Variants in CDK5RAP2 observed in about 807,000 individuals in gnomAD.
The protein encoded by CDK5RAP2 is CDK5 regulatory subunit associated protein 2, also known as CDK5 regulatory subunit-associated protein 2.
A neutral mutation model predicts 232.9 loss-of-function variants in CDK5RAP2; 147 were observed. The ratio of observed to expected loss-of-function variants is 0.63; its 90% CI spans 0.55 to 0.72. The LOEUF is 0.72. Among genes scored for constraint, CDK5RAP2 ranks in the 30% least tolerant of loss-of-function variants. The pLI is 0.00. For missense variants in CDK5RAP2, 2,195 were observed against 2,231.5 expected (o/e 0.98, Z 0.33); for synonymous variants, 833 against 833.7 (o/e 1.00, Z 0.01).
At chr9:120,549,049 C>T (rs1373000784) in intron 4 of CDK5RAP2, among the ~76,000 whole-genome samples, 9 of 151,586 alleles carry the variant, frequency 5.9e-5, no homozygotes, top group Admixed American at 5.9e-4. Flanking sequence ...CCCAGCTAAT[C>T]AGGAGGCTGA....
intron 27 of CDK5RAP2, among the ~76,000 whole-genome samples, chr9:120,416,175 AC>A (rs1459886149): frequency 6.6e-6 from 1 of 152,144 alleles, no homozygotes; most frequent in Non-Finnish European, 1.5e-5. Context: ...ATTCAGTTGG[AC>A]CTGAAGATAG....
chr9:120,496,694 T>G (rs1588486804), intron 12 of CDK5RAP2, among the ~76,000 whole-genome samples: 1 of 116,120 alleles, frequency 8.6e-6, no homozygotes, highest in Non-Finnish European at 1.7e-5. Flanking sequence ...GGTGGGGGGG[T>G]CAGCCCCCTG....
rs1473135944 is a variant in CDK5RAP2 at position 120,403,671 on chromosome 9, G to A, written c.5041+365C>T. ...ACAAAGGGGGTCTAAAAGTCACAGT[G>A]AGAGGAAAGTGTGGGCCTGTCTGCA... On this transcript the variant is annotated intron_variant, in intron 33 of 37. Coordinates refer to ENST00000349780, the MANE Select transcript of CDK5RAP2 (RefSeq NM_018249.6). The surrounding 1 kb of genome is among the most constrained non-coding windows in gnomAD (Gnocchi z 4.2). The A allele has an allele frequency of 8.5e-6, 3 of 354,262 alleles. No homozygotes were observed. The highest frequency in any genetic ancestry group is 2.7e-5 in the South Asian group (1 of 36,784). 21.9% of individuals were successfully genotyped at this position (354,262 alleles called of 1,614,324 possible). A position where few individuals can be genotyped will look rare whatever the true frequency, so the allele number is the denominator to read the frequency against.
intron 1 of CDK5RAP2, among the ~76,000 whole-genome samples, chr9:120,574,161 C>A (rs1490434391): frequency 6.6e-6 from 1 of 152,224 alleles, no homozygotes; most frequent in Non-Finnish European, 1.5e-5. Context: ...CATCCCAACT[C>A]TTAGACAAAA....
intron 21 of CDK5RAP2, among the ~76,000 whole-genome samples, chr9:120,452,699 T>C (rs2036543553): frequency 1.3e-5 from 2 of 149,850 alleles, no homozygotes; most frequent in African/African-American, 4.9e-5. Flanking sequence ...GTGCAGAGCT[T>C]AGAGACAGTA....
At chr9:120,525,165 CG>C (rs2131884144) in intron 10 of CDK5RAP2, 87 bp from the exon 11 acceptor site, 3 of 1,015,982 alleles carry the variant, frequency 3.0e-6, no homozygotes, top group Non-Finnish European at 4.6e-6. Flanking sequence ...TCAATTGTGT[CG>C]TGCTTATAAT....
intron 3 of CDK5RAP2, among the ~76,000 whole-genome samples, chr9:120,562,688 C>G (rs2042505580): frequency 6.6e-6 from 1 of 151,830 alleles, no homozygotes; most frequent in Non-Finnish European, 1.5e-5. Flanking sequence ...CCCCGCATGC[C>G]CCCATCCTCA....
chr9:120,395,170 C>T (rs941102314), intron 35 of CDK5RAP2, among the ~76,000 whole-genome samples: 1 of 152,038 alleles, frequency 6.6e-6, no homozygotes, highest in Non-Finnish European at 1.5e-5. Context: ...ACAAAAGAGC[C>T]CAGAACAACA....
chr9:120,551,533 C>G (rs542714981), intron 3 of CDK5RAP2, among the ~76,000 whole-genome samples: 2 of 152,284 alleles, frequency 1.3e-5, no homozygotes, highest in East Asian at 3.9e-4. Flanking sequence ...ATAATTCCAT[C>G]CAAAGTGCTT....
intron 3 of CDK5RAP2, among the ~76,000 whole-genome samples, chr9:120,566,984 T>A (rs977752032): frequency 6.6e-6 from 1 of 152,176 alleles, no homozygotes; most frequent in African/African-American, 2.4e-5. Context: ...AAAAATGAAA[T>A]AACTATCTTG....
Position 120,568,326 on chromosome 9 carries a change from C to T in CDK5RAP2, c.190G>A (p.Glu64Lys), listed in dbSNP as rs140136080. ...PTRARNMKDF[E>K]NQITELKKEN... is the part of the protein sequence containing the mutation. ...AATTTGGTATTTCCACTTACATTTT[C>T]AAAGTCCTTCATGTTCCGTGCTCTG... The change falls in exon 3 of 38, where the codon GAA becomes AAA. Residue 64 changes from glutamate to lysine, a missense_variant. Physicochemically the swap from Glu to Lys is moderately conservative, Grantham distance 56 (BLOSUM62 1). Coordinates refer to ENST00000349780, the MANE Select transcript of CDK5RAP2 (RefSeq NM_018249.6). The T allele has an allele frequency of 3.1e-6, 5 of 1,612,176 alleles. No individual in the cohort carries two copies. The highest frequency in any genetic ancestry group is 3.3e-5 in the Admixed American group (2 of 60,002).
In CDK5RAP2 at chr9:120,548,250, A is replaced by T. The variant is rs1173411044; in HGVS notation, c.307-2460T>A. 1.3e-5 allele frequency among the ~76,000 whole-genome samples: 2 copies of T among 152,240 alleles called. 1 individual carries two copies. Among genetic ancestry groups the T allele is most frequent in the Non-Finnish European group, 2.9e-5 (2 of 68,050 alleles). On this transcript the variant is annotated intron_variant, in intron 4 of 37. Coordinates refer to ENST00000349780, the MANE Select transcript of CDK5RAP2 (RefSeq NM_018249.6). ...TGTGAAAAATGCAGAAACATCCTTC[A>T]AACAGAGGATTCTTTTTCCAGCTCT...
intron 15 of CDK5RAP2, among the ~76,000 whole-genome samples, chr9:120,475,067 T>G (rs2037928497): frequency 6.6e-6 from 1 of 152,228 alleles, no homozygotes; most frequent in South Asian, 2.1e-4. Flanking sequence ...CAGGAAGTAT[T>G]AGGTCTTTAC....
intron 14 of CDK5RAP2, among the ~76,000 whole-genome samples, chr9:120,482,472 G>A (rs1470506566): frequency 3.9e-5 from 6 of 152,150 alleles, no homozygotes; most frequent in Non-Finnish European, 8.8e-5. Context: ...GTCCCAGGGG[G>A]AATGCCTATC....
chr9:120,579,631 A>C lies in CDK5RAP2; in HGVS notation c.59+289T>G, dbSNP rs77226253. On this transcript the variant is annotated intron_variant, in intron 1 of 37. Coordinates refer to ENST00000349780, the MANE Select transcript of CDK5RAP2 (RefSeq NM_018249.6). ...CAATCCCCACTAACGGGATACTCCA[A>C]GTGGCCCCACCCTCGTCCTACTCTT... Among the ~76,000 whole-genome samples the C allele has an allele frequency of 0.019, 2,835 of 152,258 alleles. 111 individuals are homozygous for C. Among genetic ancestry groups the C allele is most frequent in the African/African-American group, 0.066 (2,726 of 41,526 alleles).
Position 120,404,124 on chromosome 9 carries a change from C to A in CDK5RAP2, c.4964-11G>T. On this transcript the variant is annotated splice_polypyrimidine_tract_variant and intron_variant, in intron 32 of 37. Coordinates refer to ENST00000349780, the MANE Select transcript of CDK5RAP2 (RefSeq NM_018249.6). ...GATATTTGTCACCATCTACAAAATG[C>A]AAAACACGAGAACTGTTAGTTTCAC... 6.4e-7 allele frequency: 1 copy of A among 1,574,594 alleles called. No homozygotes were observed. The highest frequency in any genetic ancestry group is 8.7e-7 in the Non-Finnish European group (1 of 1,144,232).
At chr9:120,531,875 G>A (rs550004727) in intron 7 of CDK5RAP2, among the ~76,000 whole-genome samples, 4 of 152,322 alleles carry the variant, frequency 2.6e-5, no homozygotes, top group African/African-American at 7.2e-5. Context: ...CTGGAAAGAG[G>A]TGTAAGATTG....
At chr9:120,460,741 G>C (rs749283098) in intron 18 of CDK5RAP2, 74 bp from the exon 19 acceptor site, 22 of 1,587,150 alleles carry the variant, frequency 1.4e-5, no homozygotes, top group Non-Finnish European at 1.8e-5. Flanking sequence ...GAATAAGTCA[G>C]TGATGTCTTT....
At chr9:120,469,278 T>G (rs1444498514) in intron 17 of CDK5RAP2, among the ~76,000 whole-genome samples, 1 of 152,198 alleles carries the variant, frequency 6.6e-6, no homozygotes, top group Non-Finnish European at 1.5e-5. Flanking sequence ...GTCTCACTTC[T>G]GCTGAGAAGC....
Sources: gnomAD v4.1 joint callset for allele counts (sites outside exome capture counted in the v4.1 genomes callset) on GRCh38, gnomAD v4.1.1 for gene constraint, Gnocchi (gnomAD v3.1) non-coding constraint, MANE v1.5 for transcripts, NCBI Gene and HGNC (gene_info 2026-07-23, HGNC 2026-07-21) for gene names.